Variants in TMX2 observed in about 807,000 individuals in gnomAD.
TMX2 encodes the protein thioredoxin-related transmembrane protein 2.
A neutral mutation model predicts 33.4 loss-of-function variants in TMX2; 20 were observed. The observed-to-expected ratio is 0.60, with a 90% CI of 0.42 to 0.87. TMX2 has a LOEUF of 0.87. Among genes scored for constraint, TMX2 ranks in the 40% least tolerant of loss-of-function variants. The pLI is 0.00. For missense variants in TMX2, 340 were observed against 370.7 expected, an observed-to-expected ratio of 0.92 and a Z score of 0.68; for synonymous variants, 166 against 140.7, an observed-to-expected ratio of 1.18 and a Z score of -1.27.
intron 1 of TMX2, among the ~76,000 whole-genome samples, chr11:57,715,872 C>T (rs1423002831): frequency 3.3e-5 from 5 of 151,810 alleles, no homozygotes; most frequent in Non-Finnish European, 7.4e-5. Flanking sequence ...GGACACAGCA[C>T]ATGTTTCAGA....
chr11:57,728,248 C>T (rs1258296411), intron 1 of TMX2, among the ~76,000 whole-genome samples: 4 of 152,102 alleles, frequency 2.6e-5, no homozygotes, highest in Non-Finnish European at 5.9e-5. Flanking sequence ...CTGCAAGCTC[C>T]GCCTTCCGGG....
chr11:57,726,914 A>G (rs1445950799), intron 1 of TMX2, among the ~76,000 whole-genome samples: 2 of 152,210 alleles, frequency 1.3e-5, no homozygotes, highest in Non-Finnish European at 2.9e-5. Flanking sequence ...ATTAAGGAGT[A>G]CAAACACACT....
Position 57,739,134 on chromosome 11 carries a change from C to T in TMX2, c.618C>T (p.Tyr206=). The T allele has an allele frequency of 6.2e-7, 1 of 1,614,132 alleles. No individual in the cohort carries two copies. The highest frequency in any genetic ancestry group is 8.5e-7 in the Non-Finnish European group (1 of 1,180,032). ...VGRYTDVSTR[Y]KVSTSPLTKQ... ...GAGAACTTTCTGGGCCCTGCAGGTA[C>T]AAAGTGAGCACATCACCCCTCACCA... The change falls in exon 7 of 8, where the codon TAC becomes TAT. Residue 206 remains tyrosine (Y), a synonymous_variant. Transcript: ENST00000278422.
intron 3 of TMX2, 151 bp from the exon 4 acceptor site, chr11:57,738,203 C>T (rs545785340): frequency 2.7e-6 from 2 of 745,136 alleles, no homozygotes; most frequent in East Asian, 5.0e-5. Context: ...TTTACAGAGA[C>T]TGTTATTGTA....
chr11:57,712,669 T>G lies in TMX2; in HGVS notation c.51T>G (p.Leu17=). 1 of 1,614,208 alleles carries G rather than the reference T, an allele frequency of 6.2e-7. No individual in the cohort carries two copies. The highest frequency in any genetic ancestry group is 8.5e-7 in the Non-Finnish European group (1 of 1,180,042). The change falls in exon 1 of 8, where the codon CTT becomes CTG. Residue 17 remains leucine, a synonymous_variant. Transcript: ENST00000278422. ...LIALVYSVPR[L]SRWLAQPYYL... ...CTCTCGTGTATTCGGTGCCGCGACT[T>G]TCACGATGGCTCGCCCAACCTTACT...
chr11:57,712,870 G>A (rs940317699), intron 1 of TMX2, 63 bp downstream of exon 1: 53 of 1,579,930 alleles, frequency 3.4e-5, no homozygotes, highest in Non-Finnish European at 4.3e-5. Context: ...AGGTGTATCT[G>A]GGAACCCTGG....
intron 7 of TMX2, 110 bp downstream of exon 7, chr11:57,739,370 G>GT: frequency 9.1e-7 from 1 of 1,101,816 alleles, no homozygotes; most frequent in Non-Finnish European, 1.4e-6. Flanking sequence ...AGCTTTGAGG[G>GT]TGTGGACTAG....
At chr11:57,717,942 T>G in intron 1 of TMX2, 1 of 686,228 alleles carries the variant, frequency 1.5e-6, no homozygotes, top group Non-Finnish European at 2.6e-6. Flanking sequence ...GCACAAAGAT[T>G]CTAGGATACT....
intron 5 of TMX2, 65 bp from the exon 6 acceptor site, chr11:57,738,909 C>G: frequency 1.3e-6 from 2 of 1,566,276 alleles, no homozygotes; most frequent in Non-Finnish European, 1.8e-6. Context: ...TCTTAAATAT[C>G]TATACTTCCA....
intron 1 of TMX2, among the ~76,000 whole-genome samples, chr11:57,733,317 G>A (rs535318602): frequency 4.3e-5 from 6 of 140,900 alleles, no homozygotes; most frequent in South Asian, 2.3e-4. Context: ...GTGCAATAGC[G>A]CTTTCTCGGC....
At chr11:57,734,699 G>C (rs1948632327) in intron 1 of TMX2, among the ~76,000 whole-genome samples, 1 of 151,972 alleles carries the variant, frequency 6.6e-6, no homozygotes, top group African/African-American at 2.4e-5. Context: ...ACTGAGCTGA[G>C]GTTGTGGCAT....
At chr11:57,715,347 G>T (rs1214785942) in intron 1 of TMX2, among the ~76,000 whole-genome samples, 1 of 152,118 alleles carries the variant, frequency 6.6e-6, no homozygotes, top group East Asian at 1.9e-4. Flanking sequence ...GTTGCAGTGA[G>T]CCAGGATCGT....
intron 5 of TMX2, 37 bp from the exon 6 acceptor site, chr11:57,738,937 T>A: frequency 1.3e-6 from 2 of 1,585,430 alleles, no homozygotes; most frequent in Non-Finnish European, 1.7e-6. Context: ...TGATCCATTA[T>A]TTTTTTTCAG....
chr11:57,740,797 A>C lies in TMX2; in HGVS notation c.*552A>C, dbSNP rs1438124365. The C allele has an allele frequency of 1.3e-5, 2 of 152,768 alleles. No homozygotes were observed. Among genetic ancestry groups the C allele is most frequent in the African/African-American group, 4.8e-5 (2 of 41,476 alleles). The allele number at this position is 152,768 out of a possible 1,614,324, so 9.5% of individuals were successfully genotyped here. ...CACAAAGTTTTTATCATTGAAGACA[A>C]TATTGAACAACCCCCTATTTTGTGG... On this transcript the variant is annotated 3_prime_UTR_variant, in exon 8 of 8. Coordinates refer to ENST00000278422, the MANE Select transcript of TMX2 (RefSeq NM_015959.4).
At chr11:57,736,585 G>A (rs997334399) in intron 1 of TMX2, among the ~76,000 whole-genome samples, 1 of 151,774 alleles carries the variant, frequency 6.6e-6, no homozygotes, top group Non-Finnish European at 1.5e-5. Context: ...ATTGGGTGGG[G>A]AGGAATGATT....
intron 1 of TMX2, among the ~76,000 whole-genome samples, chr11:57,732,429 A>T (rs1207576562): frequency 2.0e-5 from 3 of 152,148 alleles, no homozygotes. Context: ...ATTTCAGAGG[A>T]TCTTTCATTT....
chr11:57,731,126 T>TG (rs1948367926), intron 1 of TMX2, among the ~76,000 whole-genome samples: 1 of 4,544 alleles, frequency 2.2e-4, no homozygotes, highest in Non-Finnish European at 1.1e-3. Flanking sequence ...TTGTTTTTTG[T>TG]TTTTTTTTTT....
intron 1 of TMX2, among the ~76,000 whole-genome samples, chr11:57,724,225 G>T (rs1352588468): frequency 1.3e-5 from 2 of 152,110 alleles, no homozygotes; most frequent in South Asian, 4.1e-4. Flanking sequence ...CGCAAAGGGG[G>T]TTTATTCTTG....
In TMX2 at chr11:57,738,040, C is replaced by CT; in HGVS notation, c.364+17dup. On this transcript the variant is annotated intron_variant, in intron 3 of 7. Coordinates refer to ENST00000278422, the MANE Select transcript of TMX2 (RefSeq NM_015959.4). ...CACTCTGCATAGGTGAGGAGACTGC[C>CT]TTTCTTTCTTTTTTTTTTTTTGTAA... 1 of 1,551,254 alleles carries CT rather than the reference C, an allele frequency of 6.4e-7. No homozygotes were observed. Among genetic ancestry groups the CT allele is most frequent in the Non-Finnish European group, 8.7e-7 (1 of 1,150,002 alleles).
Sources: allele counts gnomAD v4.1 joint callset (sites outside exome capture counted in the v4.1 genomes callset), GRCh38; gene constraint gnomAD v4.1.1; transcripts MANE v1.5; gene names NCBI Gene and HGNC (gene_info 2026-07-23, HGNC 2026-07-21).